Variants in CHLSN observed in about 807,000 individuals in gnomAD.
CHLSN encodes cholesin.
At chr7:1,039,320 G>A in the CHLSN span, among the ~76,000 whole-genome samples, 2 of 46,268 alleles carry the variant, frequency 4.3e-5, no homozygotes, top group Non-Finnish European at 4.0e-5. Flanking sequence ...ACTGGGAAGT[G>A]AGGAGCCCCT....
chr7:981,296 CAAAAAAAAAAAAAAA>C, the CHLSN span, among the ~76,000 whole-genome samples: 1 of 84,418 alleles, frequency 1.2e-5, no homozygotes, highest in East Asian at 3.4e-4. Context: ...GACTCCATCT[CAAAAAAAAAAAAAAA>C]GAAAAGAAAA....
the CHLSN span, chr7:997,642 G>T: frequency 3.1e-6 from 5 of 1,607,540 alleles, no homozygotes; most frequent in Non-Finnish European, 4.2e-6. Context: ...AGCAGCTGCA[G>T]CACCTGTCGG....
At chr7:981,296 C>CAA in the CHLSN span, among the ~76,000 whole-genome samples, 8 of 84,430 alleles carry the variant, frequency 9.5e-5, no homozygotes, top group Admixed American at 1.4e-4. Flanking sequence ...GACTCCATCT[C>CAA]AAAAAAAAAA....
At chr7:1,053,759 G>A in the CHLSN span, among the ~76,000 whole-genome samples, 27 of 152,250 alleles carry the variant, frequency 1.8e-4, 1 homozygote, top group South Asian at 1.9e-3. Context: ...CCCGGGAGGC[G>A]GAGGTTGCAG....
At chr7:995,774 G>A in the CHLSN span, among the ~76,000 whole-genome samples, 1 of 152,260 alleles carries the variant, frequency 6.6e-6, no homozygotes, top group Non-Finnish European at 1.5e-5. Flanking sequence ...AGGAGGGGCT[G>A]GACTCCTCGC....
the CHLSN span, among the ~76,000 whole-genome samples, chr7:1,048,853 C>T: frequency 3.3e-5 from 5 of 152,208 alleles, no homozygotes; most frequent in African/African-American, 1.2e-4. Flanking sequence ...AGCAGGTTCT[C>T]CTTCTCAGTC....
the CHLSN span, among the ~76,000 whole-genome samples, chr7:1,090,007 C>A: frequency 6.6e-6 from 1 of 151,852 alleles, no homozygotes; most frequent in East Asian, 1.9e-4. Context: ...CCACTCTAAC[C>A]CGGGAGGCGG....
At chr7:1,097,420 C>T in the CHLSN span, among the ~76,000 whole-genome samples, 1 of 152,310 alleles carries the variant, frequency 6.6e-6, no homozygotes, top group East Asian at 1.9e-4. This position sits in a 1 kb window ranked among gnomAD's most constrained non-coding sequence, Gnocchi z 4.3. Context: ...TAAGAAGAGA[C>T]AATCGTGATA....
the CHLSN span, chr7:1,022,865 T>C: frequency 8.1e-6 from 3 of 368,798 alleles, no homozygotes; most frequent in East Asian, 1.6e-4. Context: ...GACCCACGCA[T>C]ACGAGTCCAG....
chr7:1,111,570 C>A, the CHLSN span, among the ~76,000 whole-genome samples: 3 of 152,196 alleles, frequency 2.0e-5, no homozygotes, highest in African/African-American at 7.2e-5. Flanking sequence ...GAGGCCAAGG[C>A]GAGAGGATCG....
the CHLSN span, chr7:1,021,360 C>A: frequency 1.0e-6 from 1 of 985,286 alleles, no homozygotes; most frequent in Non-Finnish European, 1.2e-6. Flanking sequence ...TAGGACCTGA[C>A]CTTGACAGAG....
At chr7:1,071,925 G>A in the CHLSN span, among the ~76,000 whole-genome samples, 4,150 of 152,324 alleles carry the variant, frequency 0.027, 135 homozygotes, top group Non-Finnish European at 0.038. Flanking sequence ...CCGCACGGCC[G>A]CAGCACAGGC....
the CHLSN span, among the ~76,000 whole-genome samples, chr7:1,054,207 T>TG: frequency 2.0e-5 from 3 of 152,208 alleles, no homozygotes; most frequent in African/African-American, 7.2e-5. Context: ...GGGAGAATGT[T>TG]GGGGCCAACA....
the CHLSN span, among the ~76,000 whole-genome samples, chr7:1,117,720 C>T: frequency 1.3e-5 from 2 of 149,112 alleles, no homozygotes; most frequent in East Asian, 2.0e-4. Flanking sequence ...CCATCACCAA[C>T]GCCCACGCAG....
At chr7:1,130,816 C>G in the CHLSN span, among the ~76,000 whole-genome samples, 1 of 152,204 alleles carries the variant, frequency 6.6e-6, no homozygotes, top group Non-Finnish European at 1.5e-5. Context: ...CGGCCTCCAG[C>G]CCGGACGGCT....
chr7:1,093,724 T>C, the CHLSN span: 7 of 464,910 alleles, frequency 1.5e-5, no homozygotes, highest in Admixed American at 4.7e-5. Flanking sequence ...ACTGCGGTGA[T>C]GATGTAAAAA....
chr7:985,321 C>T, the CHLSN span: 2 of 1,549,896 alleles, frequency 1.3e-6, no homozygotes, highest in South Asian at 2.4e-5. Context: ...CCCTGGCCTG[C>T]AGGTGAGGAG....
the CHLSN span, among the ~76,000 whole-genome samples, chr7:996,714 T>C: frequency 6.6e-6 from 1 of 152,202 alleles, no homozygotes; most frequent in Admixed American, 6.5e-5. Context: ...CTCACATCAC[T>C]TGGGGGCAGG....
the CHLSN span, among the ~76,000 whole-genome samples, chr7:1,115,340 C>A: frequency 6.6e-6 from 1 of 152,252 alleles, no homozygotes; most frequent in African/African-American, 2.4e-5. Flanking sequence ...CGCCCCACCA[C>A]AGACCCAGCC....
Sources: allele counts gnomAD v4.1 joint callset (sites outside exome capture counted in the v4.1 genomes callset), GRCh38; gene constraint gnomAD v4.1.1; non-coding constraint Gnocchi (gnomAD v3.1); transcripts MANE v1.5; gene names NCBI Gene and HGNC (gene_info 2026-07-23, HGNC 2026-07-21).